SLCO4C1: variants seen among roughly 807,000 people sequenced by gnomAD.
SLCO4C1 encodes organic anion transporter M1.
A neutral mutation model predicts 72.1 loss-of-function variants in SLCO4C1; 58 were observed. That is an observed-to-expected ratio of 0.80 (90% CI 0.65 to 1.00). The LOEUF is 1.00. Ranked by LOEUF, SLCO4C1 falls within the 50% of genes least tolerant of loss-of-function variation. SLCO4C1 has a pLI of 0.00. For missense variants in SLCO4C1, 898 were observed against 857.9 expected (o/e 1.05, Z -0.58); for synonymous variants, 297 against 312.5 (o/e 0.95, Z 0.52).
rs1465275388 is a variant in SLCO4C1, at chr5:102,239,274, A to ATCTTGATG, written c.1983_1990dup (p.Met664ThrfsTer8). ...ACTTATGGCTACTAGCATATGGGCC[A>ATCTTGATG]TCTTGATGTTATCATAAATCCAGCA... On this transcript the variant is annotated frameshift_variant, in exon 12 of 13. Transcript: ENST00000310954. LOFTEE classifies it low-confidence loss of function (END_TRUNC). 9.4e-6 allele frequency: 15 copies of ATCTTGATG among 1,599,250 alleles called. No homozygotes were observed. Among genetic ancestry groups the ATCTTGATG allele is most frequent in the African/African-American group, 2.7e-5 (2 of 74,178 alleles).
At position 102,276,121 on chromosome 5, in the gene SLCO4C1, C is replaced by T. The variant is rs1749242338; in HGVS notation, c.620-5315G>A. 2.6e-5 allele frequency among the ~76,000 whole-genome samples: 4 copies of T among 152,186 alleles called. No homozygotes were observed. In the South Asian group the frequency reaches 6.2e-4, roughly 24 times the overall value. On this transcript the variant is annotated intron_variant, in intron 2 of 12. Transcript: ENST00000310954. ...CTACAATCCAGGGCAGAGAAAAGTGCCAGATTGACACAGTCTGTTGGATTT... is the reference window on the plus strand; with the variant it reads ...CTACAATCCAGGGCAGAGAAAAGTGTCAGATTGACACAGTCTGTTGGATTT...
rs33922930 is a variant in SLCO4C1 at position 102,270,814 on chromosome 5, G to GA, written c.620-9dup. ...TTGTTGTTACACAAGTGTCTTTGTGGAAAAAAAAATTGTGAATTTATAGAA... is the reference window on the plus strand; with the variant it reads ...TTGTTGTTACACAAGTGTCTTTGTGGAAAAAAAAAATTGTGAATTTATAGAA... On this transcript the variant is annotated splice_polypyrimidine_tract_variant and intron_variant, in intron 2 of 12. Transcript: ENST00000310954. 0.7 allele frequency: 1,018,264 copies of GA among 1,444,750 alleles called. 353,494 individuals are homozygous for GA. Among genetic ancestry groups the GA allele is most frequent in the Middle Eastern group, 0.79 (4,216 of 5,330 alleles). The allele number at this position is 1,444,750 out of a possible 1,614,324, so 89.5% of individuals were successfully genotyped here.
Position 102,247,339 on chromosome 5 carries a change from G to C in SLCO4C1, c.1724C>G (p.Ala575Gly), listed in dbSNP as rs144643168. The C allele has an allele frequency of 1.9e-6, 3 of 1,598,754 alleles. No homozygotes were observed. The African/African-American group carries it at 4.0e-5, about 21-fold the overall frequency. Residue 575 changes from alanine to glycine, a missense_variant, in exon 10 of 13, where the codon GCG becomes GGG. Physicochemically the swap from Ala to Gly is moderately conservative, Grantham distance 60. Transcript: ENST00000310954. ...AATGCAAAGGAATATGGGCAGTTTCGCACAATGAGTTTCACATTTTCCAGC... is the reference window on the plus strand; with the variant it reads ...AATGCAAAGGAATATGGGCAGTTTCCCACAATGAGTTTCACATTTTCCAGC... ...AKAGKCETHCAKLPIFLCIFF... is the reference protein window; with the variant it reads ...AKAGKCETHCGKLPIFLCIFF...
At chr5:102,256,045 A>C (rs530508620) in intron 8 of SLCO4C1, among the ~76,000 whole-genome samples, 1 of 152,246 alleles carries the variant, frequency 6.6e-6, no homozygotes, top group East Asian at 1.9e-4. Context: ...ACGTCTACTA[A>C]AAATACAAAA....
At chr5:102,263,877 A>C (rs763236675) in intron 3 of SLCO4C1, 97 bp from the exon 4 acceptor site, 31 of 821,654 alleles carry the variant, frequency 3.8e-5, no homozygotes, top group Non-Finnish European at 6.0e-5. Context: ...GAAAAATCTA[A>C]ACAATTAAAC....
At chr5:102,254,905 C>T (rs1031523211) in intron 8 of SLCO4C1, among the ~76,000 whole-genome samples, 10 of 152,032 alleles carry the variant, frequency 6.6e-5, no homozygotes, top group Non-Finnish European at 1.5e-4. Context: ...TATGCCTGTA[C>T]CTTTTCTTTT....
At chr5:102,279,333 A>T (rs924685948) in intron 2 of SLCO4C1, among the ~76,000 whole-genome samples, 19 of 152,062 alleles carry the variant, frequency 1.2e-4, no homozygotes, top group African/African-American at 4.3e-4. Flanking sequence ...AGTTTTTGCC[A>T]TTAAAAGTAA....
chr5:102,276,363 G>T (rs945456082), intron 2 of SLCO4C1, among the ~76,000 whole-genome samples: 2 of 152,090 alleles, frequency 1.3e-5, no homozygotes, highest in African/African-American at 4.8e-5. Context: ...CCACCTGAAA[G>T]CAACACTGAA....
chr5:102,236,916 G>A lies in SLCO4C1; in HGVS notation c.2117C>T (p.Ala706Val). The change falls in exon 13 of 13, where the codon GCA becomes GTA. Residue 706 changes from alanine (A) to valine (V), a missense_variant. Transcript: ENST00000310954. ...ATDVSFHKEN[A>V]VVTNVLAEQD... ...TTCTGCTAAAACATTAGTCACAACT[G>A]CATTCTCTTTATGAAATGACACATC... 1 of 1,612,732 alleles carries A rather than the reference G, an allele frequency of 6.2e-7. No individual in the cohort carries two copies. Among genetic ancestry groups the A allele is most frequent in the Non-Finnish European group, 8.5e-7 (1 of 1,179,644 alleles).
intron 3 of SLCO4C1, among the ~76,000 whole-genome samples, chr5:102,264,406 ATTG>A (rs149410613): frequency 0.12 from 17,864 of 151,846 alleles, 1,239 homozygotes; most frequent in African/African-American, 0.16. Context: ...ATGTCTTTTT[ATTG>A]TTGTTGTTGT....
At chr5:102,276,447 C>T (rs1355937411) in intron 2 of SLCO4C1, among the ~76,000 whole-genome samples, 4 of 152,166 alleles carry the variant, frequency 2.6e-5, no homozygotes, top group Non-Finnish European at 5.9e-5. Flanking sequence ...TAACCAGCTC[C>T]ATAGTTCTCT....
intron 12 of SLCO4C1, among the ~76,000 whole-genome samples, chr5:102,237,883 GATTT>G (rs1373415075): frequency 1.3e-5 from 2 of 151,908 alleles, no homozygotes; most frequent in Non-Finnish European, 2.9e-5. Context: ...CACAAACTTT[GATTT>G]ATTTCCAAGT....
intron 6 of SLCO4C1, among the ~76,000 whole-genome samples, chr5:102,258,358 G>C (rs1037144088): frequency 6.6e-6 from 1 of 152,108 alleles, no homozygotes; most frequent in African/African-American, 2.4e-5. Context: ...ATGGAAAGAA[G>C]GTAAAAGCCT....
At chr5:102,240,840 G>A (rs1332644910) in intron 10 of SLCO4C1, 58 bp from the exon 11 acceptor site, 1 of 1,220,030 alleles carries the variant, frequency 8.2e-7, no homozygotes, top group East Asian at 2.4e-5. Context: ...TTCACTCTTT[G>A]AGCAAGTTCA....
At chr5:102,243,092 G>T (rs1748575666) in intron 10 of SLCO4C1, among the ~76,000 whole-genome samples, 1 of 152,152 alleles carries the variant, frequency 6.6e-6, no homozygotes, top group Admixed American at 6.5e-5. Flanking sequence ...GGGTTGGAGG[G>T]GCCTATGGGG....
intron 2 of SLCO4C1, among the ~76,000 whole-genome samples, chr5:102,290,848 G>A (rs1039399939): frequency 1.3e-5 from 2 of 152,148 alleles, no homozygotes; most frequent in African/African-American, 4.8e-5. Context: ...TCTAACGAGA[G>A]CAACTGTAGG....
Position 102,257,941 on chromosome 5 carries a change from A to G in SLCO4C1, c.1273+2T>C. The G allele has an allele frequency of 1.9e-6, 3 of 1,597,252 alleles. No individual in the cohort carries two copies. On this transcript the variant is annotated splice_donor_variant, in intron 7 of 12. Transcript: ENST00000310954. LOFTEE classifies it high-confidence loss of function. ...TAGGTTAAGATAAAGAAAATGTTTT[A>G]CCTCCAAGAGTAGCTGCGAAGCTGG... is the stretch of plus-strand genomic sequence containing the variant.
intron 2 of SLCO4C1, among the ~76,000 whole-genome samples, chr5:102,274,148 A>G (rs1488742843): frequency 6.6e-6 from 1 of 152,168 alleles, no homozygotes; most frequent in Non-Finnish European, 1.5e-5. Context: ...CATTTTATAG[A>G]AGGGACTTGA....
intron 3 of SLCO4C1, among the ~76,000 whole-genome samples, chr5:102,266,466 G>A (rs756945828): frequency 1.2e-4 from 18 of 151,938 alleles, no homozygotes; most frequent in African/African-American, 3.9e-4. Context: ...TATGGCCAAC[G>A]TGGTGAAACC....
Sources: gnomAD v4.1 joint callset for allele counts (sites outside exome capture counted in the v4.1 genomes callset) on GRCh38, gnomAD v4.1.1 for gene constraint, MANE v1.5 for transcripts, NCBI Gene and HGNC (gene_info 2026-07-23, HGNC 2026-07-21) for gene names.